THY1: variants seen among roughly 807,000 people sequenced by gnomAD.
The protein encoded by THY1 is thy-1 membrane glycoprotein.
A neutral mutation model predicts 14.9 loss-of-function variants in THY1; 10 were observed. The ratio of observed to expected loss-of-function variants is 0.67; its 90% CI spans 0.41 to 1.14. THY1 has a LOEUF of 1.14. Ranked by LOEUF, THY1 falls within the 50% of genes most tolerant of loss-of-function variation. The pLI, the probability that THY1 is intolerant of heterozygous loss-of-function variation, is 0.00. For missense variants in THY1, 159 were observed against 202.1 expected (o/e 0.79, Z 1.29); for synonymous variants, 80 against 90.0 (o/e 0.89, Z 0.63).
At position 119,418,091 on chromosome 11, in the gene THY1, G is replaced by A. The variant is rs116081975; in HGVS notation, c.*1317C>T. ...AAGTCAGGGAAGAGGAAGAGGTGGC[G>A]TTCCCCAGCCTCACCCGTGGAGACC... On this transcript the variant is annotated 3_prime_UTR_variant, in exon 4 of 4. Coordinates refer to ENST00000284240, the MANE Select transcript of THY1 (RefSeq NM_006288.5). 1,108 of 152,600 alleles carry A rather than the reference G, an allele frequency of 7.3e-3. 12 individuals are homozygous for A. The highest frequency in any genetic ancestry group is 0.024 in the African/African-American group (1,008 of 41,600). 9.5% of individuals were successfully genotyped at this position (152,600 alleles called of 1,614,324 possible). A position where few individuals can be genotyped will look rare whatever the true frequency, so the allele number is the denominator to read the frequency against.
upstream of THY1, chr11:119,423,359 C>T: frequency 2.7e-6 from 1 of 369,452 alleles, no homozygotes; most frequent in Admixed American, 3.3e-5. Context: ...GGAAGGGGGC[C>T]CTCACCCTGT....
rs547485302 is a variant in THY1, at chr11:119,418,887, G to A, written c.*521C>T. ...ACAAGGTAGGCCACAAATTCTTGGT[G>A]GTGCCCTCACATCTGGGGTCTTCAG... On this transcript the variant is annotated 3_prime_UTR_variant, in exon 4 of 4. Coordinates refer to ENST00000284240, the MANE Select transcript of THY1 (RefSeq NM_006288.5). 25 of 169,708 alleles carry A rather than the reference G, an allele frequency of 1.5e-4. No homozygotes were observed. Among genetic ancestry groups the A allele is most frequent in the Non-Finnish European group, 2.8e-4 (22 of 78,560 alleles). 10.5% of individuals were successfully genotyped at this position (169,708 alleles called of 1,614,324 possible). A position where few individuals can be genotyped will look rare whatever the true frequency, so the allele number is the denominator to read the frequency against.
At position 119,422,596 on chromosome 11, in the gene THY1, A is replaced by G; in HGVS notation, c.-25+517T>C. On this transcript the variant is annotated intron_variant, in intron 1 of 3. Transcript: ENST00000284240. The surrounding 1 kb of genome is among the most constrained non-coding windows in gnomAD (Gnocchi z 7.0). ...CCTTCCCCCTCTCTCATCCTTTTCC[A>G]GCTCTCCCCTCCCCCGTCCGCCCGC... 6.3e-6 allele frequency: 1 copy of G among 158,538 alleles called. No individual in the cohort carries two copies. The highest frequency in any genetic ancestry group is 1.3e-5 in the Non-Finnish European group (1 of 77,922). The allele number at this position is 158,538 out of a possible 1,614,324, so 9.8% of individuals were successfully genotyped here.
upstream of THY1, chr11:119,423,314 G>A: frequency 2.5e-6 from 1 of 393,088 alleles, no homozygotes; most frequent in South Asian, 1.8e-5. Context: ...AAGAGAAGGC[G>A]GTCCCGCATT....
At position 119,422,879 on chromosome 11, in the gene THY1, C is replaced by A. The variant is rs988070008; in HGVS notation, c.-25+234G>T. 1.3e-5 allele frequency among the ~76,000 whole-genome samples: 2 copies of A among 152,270 alleles called. No individual in the cohort carries two copies. The highest frequency in any genetic ancestry group is 2.1e-4 in the South Asian group (1 of 4,838). ...CCAGCCCCAGACACCAGTCCCCCAGCGGGCGAAAGCCCGGGAGCGCCTTCC... is the reference window on the plus strand; with the variant it reads ...CCAGCCCCAGACACCAGTCCCCCAGAGGGCGAAAGCCCGGGAGCGCCTTCC... On this transcript the variant is annotated intron_variant, in intron 1 of 3. Transcript: ENST00000284240. The surrounding 1 kb of genome is among the most constrained non-coding windows in gnomAD (Gnocchi z 7.0).
rs928702190 is a variant in THY1, at chr11:119,416,131, G to A, written c.*3277C>T. 1.1e-4 allele frequency among the ~76,000 whole-genome samples: 16 copies of A among 152,172 alleles called. No homozygotes were observed. Among genetic ancestry groups the A allele is most frequent in the African/African-American group, 3.1e-4 (13 of 41,450 alleles). ...GATGTCAGAGATGCAGACATTGCGC[G>A]TCTCAGTGGACAATCCAGTCCAGAA... is the stretch of plus-strand genomic sequence containing the variant. On this transcript the variant is annotated 3_prime_UTR_variant, in exon 4 of 4. Coordinates refer to ENST00000284240, the MANE Select transcript of THY1 (RefSeq NM_006288.5).
intron 3 of THY1, 48 bp downstream of exon 3, chr11:119,420,003 G>A (rs753625643): frequency 9.6e-6 from 15 of 1,567,540 alleles, no homozygotes; most frequent in African/African-American, 2.7e-5. Flanking sequence ...TGCTGTCCCC[G>A]AGCCTGGCTC....
intron 3 of THY1, 182 bp downstream of exon 3, chr11:119,419,869 G>C (rs904029359): frequency 3.3e-5 from 23 of 702,216 alleles, no homozygotes; most frequent in Non-Finnish European, 5.1e-5. Flanking sequence ...TGCCTGTCTG[G>C]CCCTGAGCTC....
rs1861773980 is a variant in THY1 at position 119,416,259 on chromosome 11, G to A, written c.*3149C>T. On this transcript the variant is annotated 3_prime_UTR_variant, in exon 4 of 4. Transcript: ENST00000284240. ...GGGGGGGACCCAGGAAAGAGGTTAG[G>A]ACTGGCGAGGGAGTGGATGGGGATG... 6.6e-6 allele frequency among the ~76,000 whole-genome samples: 1 copy of A among 152,246 alleles called. No individual in the cohort carries two copies. The highest frequency in any genetic ancestry group is 2.4e-5 in the African/African-American group (1 of 41,548).
upstream of THY1, chr11:119,423,573 C>A (rs541950960): frequency 1.4e-5 from 3 of 210,048 alleles, 1 homozygote; most frequent in Admixed American, 5.4e-5. Flanking sequence ...GGAGCGCCCA[C>A]GCCTCCACAT....
rs994878892 is a variant in THY1 at position 119,417,638 on chromosome 11, G to A, written c.*1770C>T. The A allele has an allele frequency of 1.3e-5, 2 of 152,130 alleles. No homozygotes were observed. Among genetic ancestry groups the A allele is most frequent in the African/African-American group, 4.8e-5 (2 of 41,398 alleles). 9.4% of individuals were successfully genotyped at this position (152,130 alleles called of 1,614,324 possible). A position where few individuals can be genotyped will look rare whatever the true frequency, so the allele number is the denominator to read the frequency against. ...TACTTTTAGGGAAGGAGCCAGGGAT[G>A]GGCCTCAGTGTTCCCTCCCTACTCC... is the stretch of plus-strand genomic sequence containing the variant. On this transcript the variant is annotated 3_prime_UTR_variant, in exon 4 of 4. Transcript: ENST00000284240.
chr11:119,420,458 A>G (rs1227298623), intron 2 of THY1, 72 bp from the exon 3 acceptor site: 1 of 1,418,058 alleles, frequency 7.1e-7, no homozygotes, highest in Non-Finnish European at 9.4e-7. Flanking sequence ...CCTGAAGTGG[A>G]GAGATGGGCC....
At chr11:119,419,692 C>T (rs551309935) in intron 3 of THY1, 172 bp from the exon 4 acceptor site, 186 of 622,886 alleles carry the variant, frequency 3.0e-4, no homozygotes, top group African/African-American at 2.5e-3. Flanking sequence ...TTCCCATTTG[C>T]AGATTACTGA....
rs767420857 is a variant in THY1 at position 119,419,426 on chromosome 11, C to T, written c.468G>A (p.Thr156=). ...CCACCAGTCACAGGGACATGAAATCCGTGGCCTGGAGGAGGGAGAGGGAGA... is the reference window on the plus strand; with the variant it reads ...CCACCAGTCACAGGGACATGAAATCTGTGGCCTGGAGGAGGGAGAGGGAGA... The part of the protein sequence containing the change: ...LLLSLSLLQA[T]DFMSL The change falls in exon 4 of 4, where the codon ACG becomes ACA. Residue 156 remains threonine, a synonymous_variant. Coordinates refer to ENST00000284240, the MANE Select transcript of THY1 (RefSeq NM_006288.5). The T allele has an allele frequency of 3.2e-5, 51 of 1,613,870 alleles. No homozygotes were observed. The highest frequency in any genetic ancestry group is 4.5e-5 in the East Asian group (2 of 44,876).
intron 3 of THY1, 161 bp from the exon 4 acceptor site, chr11:119,419,681 T>C: frequency 1.6e-6 from 1 of 631,442 alleles, no homozygotes; most frequent in Non-Finnish European, 2.9e-6. Flanking sequence ...ACCAGCCATC[T>C]TTCCCATTTG....
chr11:119,417,483 CA>C lies in THY1; in HGVS notation c.*1924del. On this transcript the variant is annotated 3_prime_UTR_variant, in exon 4 of 4. Transcript: ENST00000284240. The stretch of plus-strand genomic sequence containing the variant: ...CTGGGCAGCTGTCACCTTCCTCCCC[CA>C]AATTCCCTGGCAAAGCAGGGAGGCT... The C allele has an allele frequency of 6.6e-6, 1 of 152,320 alleles. No homozygotes were observed. The highest frequency in any genetic ancestry group is 2.1e-4 in the South Asian group (1 of 4,798). 9.4% of individuals were successfully genotyped at this position (152,320 alleles called of 1,614,324 possible). A position where few individuals can be genotyped will look rare whatever the true frequency, so the allele number is the denominator to read the frequency against.
In THY1 at chr11:119,420,347, G is replaced by A. The variant is rs769826456; in HGVS notation, c.77C>T (p.Thr26Met). ...AAGGCTCTGGTCCACTAGGCAGGCC[G>A]TTAGGCTGGTCACCTTCTGCCCTCG... ...VSRGQKVTSL[T>M]ACLVDQSLRL... The change falls in exon 3 of 4, where the codon ACG becomes ATG. Residue 26 changes from threonine (T) to methionine (M), a missense_variant. Thr to Met is a moderately conservative substitution (Grantham distance 81, BLOSUM62 -1). Transcript: ENST00000284240. The A allele has an allele frequency of 1.1e-5, 17 of 1,613,826 alleles. 1 individual carries two copies. In the Middle Eastern group the frequency reaches 1.5e-3, roughly 140 times the overall value.
rs2135430839 is a variant in THY1 at position 119,416,311 on chromosome 11, G to C, written c.*3097C>G. On this transcript the variant is annotated 3_prime_UTR_variant, in exon 4 of 4. Coordinates refer to ENST00000284240, the MANE Select transcript of THY1 (RefSeq NM_006288.5). ...GGTTGGGGCATGTGTACAGGAACCA[G>C]GGCTGGGGGCCAGCCCTCTATAATT... Among the ~76,000 whole-genome samples the C allele has an allele frequency of 6.6e-6, 1 of 152,238 alleles. No homozygotes were observed. Among genetic ancestry groups the C allele is most frequent in the Admixed American group, 6.5e-5 (1 of 15,292 alleles).
chr11:119,419,622 G>A, intron 3 of THY1, 102 bp from the exon 4 acceptor site: 1 of 896,620 alleles, frequency 1.1e-6, no homozygotes. Flanking sequence ...TTTGGGAGGT[G>A]GGTACTGCAA....
Sources: allele counts gnomAD v4.1 joint callset (sites outside exome capture counted in the v4.1 genomes callset), GRCh38; gene constraint gnomAD v4.1.1; non-coding constraint Gnocchi (gnomAD v3.1); transcripts MANE v1.5; gene names NCBI Gene and HGNC (gene_info 2026-07-23, HGNC 2026-07-21).